Variants in SHISA6 observed in about 807,000 individuals in gnomAD.
The protein encoded by SHISA6 is shisa family member 6, also known as protein shisa-6.
In SHISA6, 22 loss-of-function variants were observed where a neutral mutation model predicts 47.9. That is an observed-to-expected ratio of 0.46 (90% CI 0.33 to 0.66). The LOEUF is 0.66. SHISA6 is among the 30% of genes least tolerant of loss of function. The pLI, the probability that SHISA6 is intolerant of heterozygous loss-of-function variation, is 0.02. For synonymous variants in SHISA6, 388 were observed against 337.8 expected, an observed-to-expected ratio of 1.15 and a Z score of -1.63; for missense variants, 680 against 764.6, an observed-to-expected ratio of 0.89 and a Z score of 1.30.
intron 3 of SHISA6, among the ~76,000 whole-genome samples, chr17:11,514,100 T>C (rs1351419940): frequency 1.3e-5 from 2 of 152,168 alleles, no homozygotes; most frequent in African/African-American, 2.4e-5. Context: ...GAGGCAGTTC[T>C]GACTCTGCTT....
chr17:11,269,275 C>T (rs906257048), intron 2 of SHISA6, among the ~76,000 whole-genome samples: 19 of 152,218 alleles, frequency 1.2e-4, no homozygotes, highest in African/African-American at 4.6e-4. Flanking sequence ...CTCTTGACCT[C>T]GTGACCCACC....
intron 2 of SHISA6, among the ~76,000 whole-genome samples, chr17:11,358,883 T>A (rs1912167575): frequency 6.6e-6 from 1 of 152,002 alleles, no homozygotes; most frequent in Non-Finnish European, 1.5e-5. Flanking sequence ...GGTCTCGAAC[T>A]CCTGAGCTCA....
intron 3 of SHISA6, among the ~76,000 whole-genome samples, chr17:11,528,518 T>C (rs1597570615): frequency 6.6e-6 from 1 of 152,120 alleles, no homozygotes; most frequent in Middle Eastern, 3.2e-3. Context: ...TAATATACAA[T>C]TGTAATGATT....
chr17:11,542,712 A>G (rs1212195662), intron 3 of SHISA6, among the ~76,000 whole-genome samples: 2 of 152,172 alleles, frequency 1.3e-5, no homozygotes, highest in African/African-American at 4.8e-5. Flanking sequence ...AAGGTTCCAC[A>G]TGGAACCTTT....
chr17:11,489,174 G>A (rs1015015181), intron 3 of SHISA6, among the ~76,000 whole-genome samples: 3 of 151,914 alleles, frequency 2.0e-5, no homozygotes, highest in African/African-American at 7.3e-5. Context: ...TATTCCCTTT[G>A]TTTAGGGAGA....
At chr17:11,498,537 A>C (rs1257406397) in intron 3 of SHISA6, among the ~76,000 whole-genome samples, 1 of 152,220 alleles carries the variant, frequency 6.6e-6, no homozygotes. Flanking sequence ...CCAACATAAA[A>C]AGGGGCTGAA....
rs1436592149 is a variant in SHISA6 at position 11,270,436 on chromosome 17, G to A, written c.799+6910G>A. Among the ~76,000 whole-genome samples, 4 of 152,210 alleles carry A rather than the reference G, an allele frequency of 2.6e-5. No homozygotes were observed. In the East Asian group the frequency reaches 7.7e-4, roughly 29 times the overall value. ...CAAGGTGATGTAGAAAGAGCTTGTA[G>A]GTTTCACAGTAAGACAAACCAAAGA... On this transcript the variant is annotated intron_variant, in intron 2 of 5. Coordinates refer to ENST00000441885, the MANE Select transcript of SHISA6 (RefSeq NM_207386.4).
At chr17:11,473,202 G>T (rs981293430) in intron 3 of SHISA6, among the ~76,000 whole-genome samples, 1 of 151,998 alleles carries the variant, frequency 6.6e-6, no homozygotes, top group African/African-American at 2.4e-5. Flanking sequence ...TCATGAATAT[G>T]CCTTTGTATA....
chr17:11,338,119 A>G (rs1911386510), intron 2 of SHISA6, among the ~76,000 whole-genome samples: 3 of 152,194 alleles, frequency 2.0e-5, no homozygotes, highest in African/African-American at 2.4e-5. Context: ...TGGACTCAGC[A>G]TCTGATTTGG....
intron 3 of SHISA6, among the ~76,000 whole-genome samples, chr17:11,414,527 C>T (rs1914223789): frequency 6.6e-6 from 1 of 152,148 alleles, no homozygotes; most frequent in South Asian, 2.1e-4. Context: ...CAAAACCTTG[C>T]AAAGTACACG....
intron 3 of SHISA6, among the ~76,000 whole-genome samples, chr17:11,424,074 A>T (rs1914535042): frequency 8.0e-6 from 1 of 125,238 alleles, no homozygotes; most frequent in Admixed American, 8.0e-5. Context: ...TCCCACATAT[A>T]TCTGATAAGA....
At chr17:11,317,358 G>A (rs1272894766) in intron 2 of SHISA6, among the ~76,000 whole-genome samples, 1 of 150,706 alleles carries the variant, frequency 6.6e-6, no homozygotes, top group African/African-American at 2.4e-5. Flanking sequence ...GTTTTTATCT[G>A]TTTTGATGCT....
chr17:11,280,150 A>G (rs1909071055), intron 2 of SHISA6, among the ~76,000 whole-genome samples: 1 of 152,220 alleles, frequency 6.6e-6, no homozygotes, highest in Non-Finnish European at 1.5e-5. Context: ...GGTGCTACAT[A>G]AAGGTTTGCT....
chr17:11,487,457 T>C (rs1475588068), intron 3 of SHISA6, among the ~76,000 whole-genome samples: 4 of 152,166 alleles, frequency 2.6e-5, no homozygotes, highest in African/African-American at 7.2e-5. Context: ...GGGGTTTGGT[T>C]GGGCGGAAAG....
intron 1 of SHISA6, among the ~76,000 whole-genome samples, chr17:11,242,722 T>G (rs1907416984): frequency 6.6e-6 from 1 of 152,200 alleles, no homozygotes; most frequent in Admixed American, 6.5e-5. Context: ...TTAACAGTAC[T>G]CGCCTGTGTT....
chr17:11,382,533 G>T (rs1231174743), intron 3 of SHISA6, among the ~76,000 whole-genome samples: 2 of 152,226 alleles, frequency 1.3e-5, no homozygotes, highest in Non-Finnish European at 2.9e-5. Context: ...ATATCCCATG[G>T]AAGGGAACAA....
At chr17:11,271,157 G>A (rs1908635132) in intron 2 of SHISA6, among the ~76,000 whole-genome samples, 1 of 152,016 alleles carries the variant, frequency 6.6e-6, no homozygotes, top group Non-Finnish European at 1.5e-5. Flanking sequence ...AGGGTGGGGG[G>A]AAATATGAAA....
chr17:11,366,082 A>G (rs1912442027), intron 2 of SHISA6, among the ~76,000 whole-genome samples: 1 of 152,206 alleles, frequency 6.6e-6, no homozygotes, highest in Non-Finnish European at 1.5e-5. Context: ...CCAAGGGAAA[A>G]GTGGTGTGAG....
intron 3 of SHISA6, among the ~76,000 whole-genome samples, chr17:11,415,946 C>A (rs1173083277): frequency 1.3e-5 from 2 of 152,146 alleles, no homozygotes; most frequent in Admixed American, 1.3e-4. Context: ...GGTGATAGAT[C>A]CATTGTCTGG....
Sources: gnomAD v4.1 joint callset for allele counts (sites outside exome capture counted in the v4.1 genomes callset) on GRCh38, gnomAD v4.1.1 for gene constraint, MANE v1.5 for transcripts, NCBI Gene and HGNC (gene_info 2026-07-23, HGNC 2026-07-21) for gene names.